IRAK1BP1: variants seen among roughly 807,000 people sequenced by gnomAD.
The protein encoded by IRAK1BP1 is interleukin-1 receptor-associated kinase 1-binding protein 1.
A neutral mutation model predicts 28.0 loss-of-function variants in IRAK1BP1; 24 were observed. The ratio of observed to expected loss-of-function variants is 0.86; its 90% CI spans 0.62 to 1.20. The LOEUF is 1.20. Among genes scored for constraint, IRAK1BP1 ranks in the 50% most tolerant of loss-of-function variants. The probability of loss-of-function intolerance (pLI) is 0.00; values close to 1 mark genes in which losing one functional copy is unlikely to be tolerated. For missense variants in IRAK1BP1, 336 were observed against 316.7 expected, an observed-to-expected ratio of 1.06 and a Z score of -0.46; for synonymous variants, 131 against 116.3, an observed-to-expected ratio of 1.13 and a Z score of -0.81.
chr6:78,968,009 G>A, the IRAK1BP1 span, among the ~76,000 whole-genome samples: 2 of 152,096 alleles, frequency 1.3e-5, no homozygotes, highest in Middle Eastern at 3.4e-3. Flanking sequence ...GTGGTGGCAG[G>A]AGCCTGTAGT....
chr6:78,966,611 A>T, the IRAK1BP1 span, among the ~76,000 whole-genome samples: 68,332 of 152,020 alleles, frequency 0.45, 16,020 homozygotes, highest in East Asian at 0.69. Context: ...TAAAACAACT[A>T]TTCTTTTTAA....
At chr6:78,934,368 T>C (rs1476689237) in intron 4 of IRAK1BP1, among the ~76,000 whole-genome samples, 1 of 152,246 alleles carries the variant, frequency 6.6e-6, no homozygotes, top group Non-Finnish European at 1.5e-5. Flanking sequence ...CCTTGCTGGA[T>C]GCATGGTTAC....
chr6:78,970,837 T>C, the IRAK1BP1 span: 1 of 1,612,344 alleles, frequency 6.2e-7, no homozygotes, highest in Admixed American at 1.7e-5. Flanking sequence ...TATATTTTAT[T>C]TTTCCGGGCC....
chr6:78,876,034 A>G (rs938989558), intron 1 of IRAK1BP1, among the ~76,000 whole-genome samples: 5 of 151,928 alleles, frequency 3.3e-5, no homozygotes, highest in Admixed American at 6.6e-5. Context: ...GTGCTTCCCT[A>G]TTGATATGGT....
intron 4 of IRAK1BP1, among the ~76,000 whole-genome samples, chr6:78,918,403 T>C (rs1772618806): frequency 6.6e-6 from 1 of 151,590 alleles, no homozygotes; most frequent in Non-Finnish European, 1.5e-5. Context: ...CAGAGACAAG[T>C]TGAAGAAAAA....
At chr6:78,940,680 A>G (rs1302327219) in intron 4 of IRAK1BP1, 2 of 1,582,502 alleles carry the variant, frequency 1.3e-6, no homozygotes, top group Non-Finnish European at 1.7e-6. Flanking sequence ...GAAGTAAAAT[A>G]TTTTGGTACA....
rs58665197 is a variant in IRAK1BP1, at chr6:78,882,229, G to A, written c.316-3149G>A. On this transcript the variant is annotated intron_variant, in intron 1 of 3. Coordinates refer to ENST00000369940, the MANE Select transcript of IRAK1BP1 (RefSeq NM_001010844.4). ...TATAATATCTTGCAACAGAAAGTAAGAAAGTGCTCAAAAAGTAAAGGAAAG... is the reference window on the plus strand; with the variant it reads ...TATAATATCTTGCAACAGAAAGTAAAAAAGTGCTCAAAAAGTAAAGGAAAG... Among the ~76,000 whole-genome samples the A allele has an allele frequency of 3.4e-3, 514 of 152,162 alleles. 2 individuals are homozygous for A. The highest frequency in any genetic ancestry group is 0.011 in the African/African-American group (450 of 41,524).
the IRAK1BP1 span, among the ~76,000 whole-genome samples, chr6:78,977,890 C>G: frequency 6.6e-6 from 1 of 152,016 alleles, no homozygotes; most frequent in African/African-American, 2.4e-5. Flanking sequence ...TGTCAATTAC[C>G]ACTTTATACT....
At chr6:78,938,661 G>T (rs1388032989) in intron 4 of IRAK1BP1, 2 of 151,270 alleles carry the variant, frequency 1.3e-5, no homozygotes, top group Non-Finnish European at 3.0e-5. Context: ...TTTAACTACT[G>T]AATTTTAATT....
chr6:78,867,862 A>G lies in IRAK1BP1; in HGVS notation c.286A>G (p.Thr96Ala), dbSNP rs1041337582. 2 of 1,604,336 alleles carry G rather than the reference A, an allele frequency of 1.2e-6. No homozygotes were observed. Among genetic ancestry groups the G allele is most frequent in the Admixed American group, 1.7e-5 (1 of 58,618 alleles). The change falls in exon 1 of 4, where the codon ACG (threonine) becomes GCG (alanine). Residue 96 changes from threonine to alanine, a missense_variant. Physicochemically the swap from Thr to Ala is moderately conservative, Grantham distance 58 (BLOSUM62 0). Coordinates refer to ENST00000369940, the MANE Select transcript of IRAK1BP1 (RefSeq NM_001010844.4). Reference sequence around the variant, plus strand: ...CGTTTGTCGCCGTCTAGATTACATCACGCAGAGCCTCCAGCAGCAGGGCGT... The same window carrying G: ...CGTTTGTCGCCGTCTAGATTACATCGCGCAGAGCCTCCAGCAGCAGGGCGT... Reference protein sequence around the residue: ...KSVCRRLDYITQSLQQQGVQA... With the variant: ...KSVCRRLDYIAQSLQQQGVQA...
chr6:78,920,314 A>G (rs561457185), intron 4 of IRAK1BP1, among the ~76,000 whole-genome samples: 14 of 152,318 alleles, frequency 9.2e-5, no homozygotes, highest in South Asian at 2.1e-4. Context: ...ACCAAAAAAG[A>G]GCCCAAATAA....
At chr6:78,954,966 G>A in the IRAK1BP1 span, 3 of 1,536,154 alleles carry the variant, frequency 2.0e-6, no homozygotes, top group Non-Finnish European at 2.6e-6. Context: ...TGATGGTCCT[G>A]TGATAAAAGT....
intron 4 of IRAK1BP1, among the ~76,000 whole-genome samples, chr6:78,909,862 T>A (rs781226766): frequency 2.8e-4 from 42 of 152,102 alleles, no homozygotes; most frequent in Non-Finnish European, 4.6e-4. Context: ...TTTTGCTCAC[T>A]CTCAGCAGAA....
chr6:78,975,061 A>G, the IRAK1BP1 span, among the ~76,000 whole-genome samples: 1 of 151,262 alleles, frequency 6.6e-6, no homozygotes, highest in Admixed American at 6.6e-5. Context: ...CTGGGCAGAG[A>G]CACAACCAAA....
intron 1 of IRAK1BP1, among the ~76,000 whole-genome samples, chr6:78,872,752 A>C (rs1770834949): frequency 6.6e-6 from 1 of 152,170 alleles, no homozygotes; most frequent in African/African-American, 2.4e-5. Context: ...TTGTACTCTA[A>C]AAATATACGT....
chr6:78,953,816 C>T, the IRAK1BP1 span, among the ~76,000 whole-genome samples: 1 of 152,174 alleles, frequency 6.6e-6, no homozygotes, highest in Admixed American at 6.5e-5. Flanking sequence ...GAACTCCTGG[C>T]CTCAGGTGAT....
At chr6:78,966,452 A>G in the IRAK1BP1 span, among the ~76,000 whole-genome samples, 1 of 152,162 alleles carries the variant, frequency 6.6e-6, no homozygotes, top group Admixed American at 6.5e-5. Context: ...ACTTTCTGTA[A>G]GCAAGTTTCC....
chr6:78,952,401 G>C, the IRAK1BP1 span, among the ~76,000 whole-genome samples: 1 of 133,864 alleles, frequency 7.5e-6, no homozygotes, highest in Non-Finnish European at 1.5e-5. Flanking sequence ...CCTGGAGACA[G>C]AGTGAGACTC....
chr6:78,965,296 C>G, the IRAK1BP1 span, among the ~76,000 whole-genome samples: 1 of 152,020 alleles, frequency 6.6e-6, no homozygotes, highest in African/African-American at 2.4e-5. Flanking sequence ...TGGAACTTGC[C>G]AAGATCACAT....
Sources: allele counts gnomAD v4.1 joint callset (sites outside exome capture counted in the v4.1 genomes callset), GRCh38; gene constraint gnomAD v4.1.1; transcripts MANE v1.5; gene names NCBI Gene and HGNC (gene_info 2026-07-23, HGNC 2026-07-21).